EBF3: variants seen among roughly 807,000 people sequenced by gnomAD.
The protein encoded by EBF3 is transcription factor COE3.
A neutral mutation model predicts 77.1 loss-of-function variants in EBF3; 18 were observed. That is an observed-to-expected ratio of 0.23 (90% confidence interval 0.16 to 0.35). The LOEUF is 0.35. Among genes scored for constraint, EBF3 ranks in the 10% least tolerant of loss-of-function variants. The pLI is 1.00. For missense variants in EBF3, 558 were observed against 860.0 expected, an observed-to-expected ratio of 0.65 and a Z score of 4.39; for synonymous variants, 350 against 343.5, an observed-to-expected ratio of 1.02 and a Z score of -0.21.
chr10:129,903,750 G>A (rs760582122), intron 6 of EBF3, among the ~76,000 whole-genome samples: 2 of 152,134 alleles, frequency 1.3e-5, no homozygotes, highest in Non-Finnish European at 2.9e-5. Context: ...GCACTTTCTT[G>A]CTGTCATGGG....
chr10:129,868,850 G>GC (rs949018809), intron 8 of EBF3, among the ~76,000 whole-genome samples: 6 of 152,212 alleles, frequency 3.9e-5, no homozygotes, highest in African/African-American at 1.2e-4. Context: ...TTGTACATGG[G>GC]CTCCCATGCA....
intron 6 of EBF3, among the ~76,000 whole-genome samples, chr10:129,896,762 A>G (rs1212790227): frequency 6.6e-6 from 1 of 152,174 alleles, no homozygotes; most frequent in Non-Finnish European, 1.5e-5. Context: ...ATCTCTTCCC[A>G]AAGCCCCCTG....
At chr10:129,958,303 A>G (rs1230848593) in intron 5 of EBF3, among the ~76,000 whole-genome samples, 1 of 152,214 alleles carries the variant, frequency 6.6e-6, no homozygotes, top group Admixed American at 6.5e-5. Flanking sequence ...CCTTGCAACT[A>G]TATTTCACAT....
intron 6 of EBF3, among the ~76,000 whole-genome samples, chr10:129,910,692 G>T (rs1239851654): frequency 6.6e-6 from 1 of 152,000 alleles, no homozygotes. Context: ...AGAGCCCCAG[G>T]TATAGGATTA....
chr10:129,910,201 T>C (rs1855431248), intron 6 of EBF3, among the ~76,000 whole-genome samples: 1 of 152,228 alleles, frequency 6.6e-6, no homozygotes, highest in Non-Finnish European at 1.5e-5. Flanking sequence ...GTCCCCTCTG[T>C]GAAGGGAATC....
At chr10:129,890,023 T>C (rs1375910089) in intron 6 of EBF3, among the ~76,000 whole-genome samples, 2 of 144,574 alleles carry the variant, frequency 1.4e-5, no homozygotes, top group Non-Finnish European at 3.0e-5. Flanking sequence ...GCCCCATTAA[T>C]TGTTCATGTA....
At chr10:129,878,847 T>G (rs1215751092) in intron 6 of EBF3, among the ~76,000 whole-genome samples, 3 of 45,884 alleles carry the variant, frequency 6.5e-5, no homozygotes, top group East Asian at 4.9e-4. Context: ...AAAAAAAAAA[T>G]CTAAGAACTG....
intron 6 of EBF3, among the ~76,000 whole-genome samples, chr10:129,887,567 T>A (rs1853696997): frequency 6.6e-6 from 1 of 152,140 alleles, no homozygotes; most frequent in African/African-American, 2.4e-5. Context: ...GGTGCCATAT[T>A]TTGTGGAACT....
At chr10:129,939,351 A>G (rs1857570862) in intron 6 of EBF3, among the ~76,000 whole-genome samples, 1 of 152,214 alleles carries the variant, frequency 6.6e-6, no homozygotes, top group Non-Finnish European at 1.5e-5. Context: ...TGAAAACAGC[A>G]TGATCATGCC....
rs78817020 is a variant in EBF3 at position 129,866,464 on chromosome 10, G to C, written c.1039+677C>G. ...TCTCAACAGCAATCCCGAACAAGTG[G>C]GGCTAATTCAGCCCTTGAGTGGACA... is the stretch of plus-strand genomic sequence containing the variant. On this transcript the variant is annotated intron_variant, in intron 10 of 16. Coordinates refer to ENST00000440978, the MANE Select transcript of EBF3 (RefSeq NM_001375380.1). Among the ~76,000 whole-genome samples the C allele has an allele frequency of 4.4e-3, 664 of 152,290 alleles. 2 individuals are homozygous for C. Among genetic ancestry groups the C allele is most frequent in the African/African-American group, 0.015 (629 of 41,558 alleles).
chr10:129,895,362 C>T (rs1314895577), intron 6 of EBF3, among the ~76,000 whole-genome samples: 2 of 152,192 alleles, frequency 1.3e-5, no homozygotes, highest in Non-Finnish European at 2.9e-5. Context: ...GACAAGGCTT[C>T]GTATGCCTCC....
intron 10 of EBF3, among the ~76,000 whole-genome samples, chr10:129,849,203 C>T (rs2133984416): frequency 6.6e-6 from 1 of 152,350 alleles, no homozygotes; most frequent in South Asian, 2.1e-4. Flanking sequence ...GTTTAACAAG[C>T]TTTATAAGGA....
intron 6 of EBF3, among the ~76,000 whole-genome samples, chr10:129,927,524 G>A (rs543485719): frequency 3.9e-5 from 6 of 152,186 alleles, no homozygotes; most frequent in South Asian, 2.1e-4. Context: ...CTCCAACAGC[G>A]CCTGCAGGTG....
intron 6 of EBF3, among the ~76,000 whole-genome samples, chr10:129,921,899 C>G (rs1193883917): frequency 6.6e-6 from 1 of 152,240 alleles, no homozygotes; most frequent in African/African-American, 2.4e-5. Context: ...CCAGCCACAT[C>G]CGCCCAAGCC....
rs1290070414 is a variant in EBF3 at position 129,848,066 on chromosome 10, T to C, written c.1128+326A>G. On this transcript the variant is annotated intron_variant, in intron 11 of 16. Coordinates refer to ENST00000440978, the MANE Select transcript of EBF3 (RefSeq NM_001375380.1). This position sits in a 1 kb window ranked among gnomAD's most constrained non-coding sequence, Gnocchi z 4.4. ...GAGTGGAAAATGTTTAATTGAACTATTTCATTACGCGGAAGTTTATGTCCC... is the reference window on the plus strand; with the variant it reads ...GAGTGGAAAATGTTTAATTGAACTACTTCATTACGCGGAAGTTTATGTCCC... Among the ~76,000 whole-genome samples, 4 of 152,246 alleles carry C rather than the reference T, an allele frequency of 2.6e-5. No individual in the cohort carries two copies. The highest frequency in any genetic ancestry group is 9.6e-5 in the African/African-American group (4 of 41,466).
Position 129,870,461 on chromosome 10 carries a change from T to G in EBF3, c.782-2549A>C, listed in dbSNP as rs981393572. On this transcript the variant is annotated intron_variant, in intron 8 of 16. Transcript: ENST00000440978. This position sits in a 1 kb window ranked among gnomAD's most constrained non-coding sequence, Gnocchi z 4.4. ...GATGGGAGGCATCCCTGAAGACAGA[T>G]CCTGGTCTGCAGCTTTCAGCGTGGC... Among the ~76,000 whole-genome samples, 6 of 151,928 alleles carry G rather than the reference T, an allele frequency of 3.9e-5. No individual in the cohort carries two copies. The highest frequency in any genetic ancestry group is 6.6e-5 in the Admixed American group (1 of 15,262).
chr10:129,915,566 G>A (rs1855830091), intron 6 of EBF3, among the ~76,000 whole-genome samples: 1 of 151,960 alleles, frequency 6.6e-6, no homozygotes, highest in South Asian at 2.1e-4. Context: ...GGGGTGTGAC[G>A]TCCCATGAAG....
rs927620583 is a variant in EBF3, at chr10:129,947,134, G to A, written c.554+10124C>T. Among the ~76,000 whole-genome samples the A allele has an allele frequency of 3.3e-5, 5 of 152,196 alleles. No individual in the cohort carries two copies. Among genetic ancestry groups the A allele is most frequent in the Non-Finnish European group, 7.3e-5 (5 of 68,030 alleles). The stretch of plus-strand genomic sequence containing the variant: ...GGACGAGCCGCTTCATTGAGAAAAT[G>A]GAAATGGACAGGGAGCTCCCTTTGG... On this transcript the variant is annotated intron_variant, in intron 6 of 16. Transcript: ENST00000440978. This position sits in a 1 kb window ranked among gnomAD's most constrained non-coding sequence, Gnocchi z 4.5.
rs1183911109 is a variant in EBF3 at position 129,947,304 on chromosome 10, C to T, written c.554+9954G>A. 6.6e-6 allele frequency among the ~76,000 whole-genome samples: 1 copy of T among 152,178 alleles called. No homozygotes were observed. Among genetic ancestry groups the T allele is most frequent in the Non-Finnish European group, 1.5e-5 (1 of 68,038 alleles). On this transcript the variant is annotated intron_variant, in intron 6 of 16. Coordinates refer to ENST00000440978, the MANE Select transcript of EBF3 (RefSeq NM_001375380.1). This position sits in a 1 kb window ranked among gnomAD's most constrained non-coding sequence, Gnocchi z 4.5. ...TCATACTTAACCATAAAAACCCTTG[C>T]ATTACTCTGTCTCGTATTAAATACC...
Sources: allele counts gnomAD v4.1 joint callset (sites outside exome capture counted in the v4.1 genomes callset), GRCh38; gene constraint gnomAD v4.1.1; non-coding constraint Gnocchi (gnomAD v3.1); transcripts MANE v1.5; gene names NCBI Gene and HGNC (gene_info 2026-07-23, HGNC 2026-07-21).